The following PRRC2A variants were observed in gnomAD, a reference collection of about 807,000 sequenced individuals.
PRRC2A encodes protein PRRC2A.
PRRC2A carries 59 observed loss-of-function variants against 224.6 expected under a neutral mutation model. The observed-to-expected ratio is 0.26, with a 90% CI of 0.21 to 0.33. The LOEUF is 0.33. Ranked by LOEUF, PRRC2A falls within the 10% of genes least tolerant of loss-of-function variation. The probability of loss-of-function intolerance (pLI) is 1.00; values close to 1 mark genes in which losing one functional copy is unlikely to be tolerated. For synonymous variants in PRRC2A, 1,194 were observed against 1,109.5 expected (o/e 1.08, Z -1.51); for missense variants, 3,095 against 2,880.7 (o/e 1.07, Z -1.70).
At position 31,631,507 on chromosome 6, in the gene PRRC2A, C is replaced by CACCCCGCCGGGCTGGGCCTAT; in HGVS notation, c.2836_2856dup (p.Pro946_Ile952dup). On this transcript the variant is annotated inframe_insertion, in exon 16 of 31. Transcript: ENST00000376033. The surrounding 1 kb of genome is among the most constrained non-coding windows in gnomAD (Gnocchi z 4.5). ...ATCCCTCCAGAGGAGCCAGGGGCCCCACCCCGCCGGGCTGGGCCTATAAAG... is the reference window on the plus strand; with the variant it reads ...ATCCCTCCAGAGGAGCCAGGGGCCCCACCCCGCCGGGCTGGGCCTATACCCCGCCGGGCTGGGCCTATAAAG... 3.7e-6 allele frequency: 6 copies of CACCCCGCCGGGCTGGGCCTAT among 1,604,366 alleles called. No homozygotes were observed. Among genetic ancestry groups the CACCCCGCCGGGCTGGGCCTAT allele is most frequent in the Non-Finnish European group, 5.1e-6 (6 of 1,177,060 alleles).
chr6:31,635,891 TTC>T, intron 24 of PRRC2A, 74 bp from the exon 25 acceptor site: 1 of 1,468,250 alleles, frequency 6.8e-7, no homozygotes, highest in Non-Finnish European at 9.2e-7. Context: ...TACTTTTTGC[TTC>T]TATGGGTGGG....
At position 31,634,575 on chromosome 6, in the gene PRRC2A, G is replaced by A; in HGVS notation, c.4935+18G>A. 2 of 1,607,854 alleles carry A rather than the reference G, an allele frequency of 1.2e-6. No homozygotes were observed. Among genetic ancestry groups the A allele is most frequent in the Non-Finnish European group, 1.7e-6 (2 of 1,177,574 alleles). ...GCACAGAAGTGAGTGAGGGTGGGAGGGTGTGTCTGAGCTGGGACTTTTTTG... is the reference window on the plus strand; with the variant it reads ...GCACAGAAGTGAGTGAGGGTGGGAGAGTGTGTCTGAGCTGGGACTTTTTTG... On this transcript the variant is annotated intron_variant, in intron 20 of 30. Coordinates refer to ENST00000376033, the MANE Select transcript of PRRC2A (RefSeq NM_004638.4).
In PRRC2A at chr6:31,636,812, C is replaced by CT; in HGVS notation, c.6015dup (p.Pro2006SerfsTer39). The CT allele has an allele frequency of 6.2e-7, 1 of 1,610,774 alleles. No homozygotes were observed. The highest frequency in any genetic ancestry group is 8.5e-7 in the Non-Finnish European group (1 of 1,179,976). On this transcript the variant is annotated frameshift_variant, in exon 28 of 31. Transcript: ENST00000376033. LOFTEE classifies it high-confidence loss of function. The surrounding 1 kb of genome is among the most constrained non-coding windows in gnomAD (Gnocchi z 4.3). Reference sequence around the variant, plus strand: ...CCGCCAGCACCACCTCCTGCCCCACCTCCCCTTTCTCTGTTACCTGTGGGC... The same window carrying CT: ...CCGCCAGCACCACCTCCTGCCCCACCTTCCCCTTTCTCTGTTACCTGTGGGC...
At chr6:31,633,833 A>T in intron 17 of PRRC2A, 26 bp from the exon 18 acceptor site, 4 of 1,514,232 alleles carry the variant, frequency 2.6e-6, no homozygotes, top group Non-Finnish European at 3.5e-6. Context: ...AGCCAGGCAG[A>T]TGCTGACCCT....
chr6:31,632,551 T>C lies in PRRC2A; in HGVS notation c.3878T>C (p.Val1293Ala). 6.2e-7 allele frequency: 1 copy of C among 1,611,564 alleles called. No homozygotes were observed. Among genetic ancestry groups the C allele is most frequent in the Non-Finnish European group, 8.5e-7 (1 of 1,179,138 alleles). The change falls in exon 16 of 31, where the codon GTC becomes GCC. Residue 1293 changes from valine (V) to alanine (A), a missense_variant. By Grantham distance (64) the Val-to-Ala change is moderately conservative. Transcript: ENST00000376033. ...GGACCTGAGGAGGCCCTCACAACAG[T>C]CACAGTGGCCCCAGCACCTCGCCGG... ...APGPEEALTTVTVAPAPRRAA... is the reference protein window; with the variant it reads ...APGPEEALTTATVAPAPRRAA...
Position 31,633,400 on chromosome 6 carries a change from C to G in PRRC2A, c.4341C>G (p.Pro1447=), listed in dbSNP as rs776357353. ...KNRSRPPEER[P]PGLPLPPPPP... ...CCAGTCGTCCTCCAGAGGAGCGTCC[C>G]CCGGGGCTTCCCCTGCCTCCCCCAC... is the stretch of plus-strand genomic sequence containing the variant. The change falls in exon 17 of 31, where the codon CCC becomes CCG. Residue 1447 remains proline (P), a synonymous_variant. Transcript: ENST00000376033. The G allele has an allele frequency of 6.2e-7, 1 of 1,612,918 alleles. No individual in the cohort carries two copies. Among genetic ancestry groups the G allele is most frequent in the Non-Finnish European group, 8.5e-7 (1 of 1,179,936 alleles).
intron 3 of PRRC2A, among the ~76,000 whole-genome samples, 163 bp downstream of exon 3, chr6:31,624,072 C>T (rs1561795246): frequency 6.6e-6 from 1 of 152,174 alleles, no homozygotes; most frequent in Non-Finnish European, 1.5e-5. Context: ...TGGTACTAAA[C>T]TTTAGCTTTT....
Position 31,625,124 on chromosome 6 carries a change from C to T in PRRC2A, c.464-47C>T, listed in dbSNP as rs746232238. On this transcript the variant is annotated intron_variant, in intron 5 of 30. Transcript: ENST00000376033. The surrounding 1 kb of genome is among the most constrained non-coding windows in gnomAD (Gnocchi z 4.1). ...GAGTCTTCCACTTTTATAGCATGTC[C>T]TCAGGAAATGTCTTCTGTCTCCTGT... is the stretch of plus-strand genomic sequence containing the variant. 5 of 1,583,544 alleles carry T rather than the reference C, an allele frequency of 3.2e-6. No individual in the cohort carries two copies. In the Admixed American group the frequency reaches 6.8e-5, roughly 22 times the overall value.
rs1776139338 is a variant in PRRC2A, at chr6:31,628,197, A to G, written c.1723A>G (p.Ser575Gly). Residue 575 changes from serine (S) to glycine (G), a missense_variant, in exon 12 of 31, where the codon AGT becomes GGT. Transcript: ENST00000376033. The stretch of plus-strand genomic sequence containing the variant: ...TCCCACTCTGGTGAGTGGTGGTGGC[A>G]GTACCAGTAGCACCAGCAGTGGCAG... ...AAPTLVSGGG[S>G]TSSTSSGSFE... is the part of the protein sequence containing the mutation. 6.2e-7 allele frequency: 1 copy of G among 1,612,804 alleles called. No homozygotes were observed. Among genetic ancestry groups the G allele is most frequent in the Admixed American group, 1.7e-5 (1 of 60,028 alleles).
At position 31,626,168 on chromosome 6, in the gene PRRC2A, T is replaced by C; in HGVS notation, c.982+6T>C. The C allele has an allele frequency of 6.2e-7, 1 of 1,610,444 alleles. No individual in the cohort carries two copies. Among genetic ancestry groups the C allele is most frequent in the Non-Finnish European group, 8.5e-7 (1 of 1,178,966 alleles). The stretch of plus-strand genomic sequence containing the variant: ...GAATGATGATGGTTGGGCAGGTAAG[T>C]GGATATTAAGGGTCAAGAATTTGGA... On this transcript the variant is annotated splice_donor_region_variant and intron_variant, in intron 9 of 30. Coordinates refer to ENST00000376033, the MANE Select transcript of PRRC2A (RefSeq NM_004638.4).
rs1214036903 is a variant in PRRC2A, at chr6:31,631,554, G to C, written c.2881G>C (p.Val961Leu). ...AAAGAAACCTCCACCACCTACAAAAGTAGAAGAGCTGCCTCCCAAGCCCCT... is the reference window on the plus strand; with the variant it reads ...AAAGAAACCTCCACCACCTACAAAACTAGAAGAGCTGCCTCCCAAGCCCCT... ...PIKKPPPPTK[V>L]EELPPKPLEQ... The change falls in exon 16 of 31, where the codon GTA becomes CTA. Residue 961 changes from valine (V) to leucine (L), a missense_variant. Val to Leu is a conservative substitution (Grantham distance 32). This residue lies in a region of PRRC2A where 2,001 missense variants were observed against 1,764.9 expected (regional missense o/e 1.13). Transcript: ENST00000376033. This position sits in a 1 kb window ranked among gnomAD's most constrained non-coding sequence, Gnocchi z 4.5. 1.3e-6 allele frequency: 2 copies of C among 1,592,916 alleles called. No individual in the cohort carries two copies. Among genetic ancestry groups the C allele is most frequent in the East Asian group, 2.2e-5 (1 of 44,646 alleles).
At position 31,637,153 on chromosome 6, in the gene PRRC2A, A is replaced by T. The variant is rs1376875007; in HGVS notation, c.6242+17A>T. 1.9e-6 allele frequency: 3 copies of T among 1,610,330 alleles called. No individual in the cohort carries two copies. Among genetic ancestry groups the T allele is most frequent in the Non-Finnish European group, 1.7e-6 (2 of 1,177,922 alleles). On this transcript the variant is annotated intron_variant, in intron 29 of 30. Transcript: ENST00000376033. ...AACTGGAAGGTGAAACGGAATAGGGATGTGGACTTTCCAAGTGCTTCCTTA... is the reference window on the plus strand; with the variant it reads ...AACTGGAAGGTGAAACGGAATAGGGTTGTGGACTTTCCAAGTGCTTCCTTA...
chr6:31,624,803 CT>C (rs35868191), intron 5 of PRRC2A: 30,391 of 448,278 alleles, frequency 0.068, 25 homozygotes, highest in Middle Eastern at 0.12. Context: ...GAGCCTTCCA[CT>C]TTTTTTTTTT....
chr6:31,635,360 C>A, intron 22 of PRRC2A, 34 bp from the exon 23 acceptor site: 1 of 1,613,792 alleles, frequency 6.2e-7, no homozygotes, highest in Non-Finnish European at 8.5e-7. Context: ...ATGTCTGTCA[C>A]GGGACAATGT....
At position 31,637,255 on chromosome 6, in the gene PRRC2A, C is replaced by T. The variant is rs1442577229; in HGVS notation, c.6264C>T (p.Ser2088=). The change falls in exon 30 of 31, where the codon TCC becomes TCT. Residue 2088 remains serine, a synonymous_variant. Transcript: ENST00000376033. ...PTGRSFSGLN[S]RLKATPSTYS... Reference sequence around the variant, plus strand: ...TTAGGTCCTTCTCTGGCCTCAATTCCCGTCTCAAGGCCACGCCTTCCACCT... The same window carrying T: ...TTAGGTCCTTCTCTGGCCTCAATTCTCGTCTCAAGGCCACGCCTTCCACCT... The T allele has an allele frequency of 1.9e-6, 3 of 1,612,154 alleles. No individual in the cohort carries two copies. Among genetic ancestry groups the T allele is most frequent in the Non-Finnish European group, 1.7e-6 (2 of 1,179,198 alleles).
In PRRC2A at chr6:31,636,901, C is replaced by T; in HGVS notation, c.6103C>T (p.Pro2035Ser). ...PPPAPATRVLPSPARPFPASL... is the reference protein window; with the variant it reads ...PPPAPATRVLSSPARPFPASL... ...ACCTGCTCCTGCTACTCGGGTGCTGCCTTCACCTGCCAGGCCCTTCCCCGC... is the reference window on the plus strand; with the variant it reads ...ACCTGCTCCTGCTACTCGGGTGCTGTCTTCACCTGCCAGGCCCTTCCCCGC... The change falls in exon 28 of 31, where the codon CCT becomes TCT. Residue 2035 changes from proline to serine, a missense_variant. Physicochemically the swap from Pro to Ser is moderately conservative, Grantham distance 74. Coordinates refer to ENST00000376033, the MANE Select transcript of PRRC2A (RefSeq NM_004638.4). The surrounding 1 kb of genome is among the most constrained non-coding windows in gnomAD (Gnocchi z 4.3). The T allele has an allele frequency of 6.2e-7, 1 of 1,613,006 alleles. No individual in the cohort carries two copies. Among genetic ancestry groups the T allele is most frequent in the Non-Finnish European group, 8.5e-7 (1 of 1,179,988 alleles).
At chr6:31,629,524 A>AT in intron 13 of PRRC2A, 24 bp from the exon 14 acceptor site, 2 of 1,486,144 alleles carry the variant, frequency 1.3e-6, no homozygotes, top group South Asian at 2.3e-5. Context: ...AGCCTCTCTC[A>AT]TCTTGTCTTT....
chr6:31,621,880 T>C (rs1051000267), intron 1 of PRRC2A, among the ~76,000 whole-genome samples: 8 of 152,194 alleles, frequency 5.3e-5, no homozygotes, highest in Admixed American at 3.9e-4. Context: ...ACATTTTTAA[T>C]GAGGATAGGA....
chr6:31,635,719 C>T lies in PRRC2A; in HGVS notation c.5511C>T (p.Phe1837=). ...SSGQRLYPEV[F]YGSAGPSSSQ... ...GCCAGCGCCTGTATCCTGAGGTTTT[C>T]TATGGCAGTGCTGGGCCTTCCAGTT... Residue 1837 remains phenylalanine, a synonymous_variant, in exon 24 of 31, where the codon TTC becomes TTT. Transcript: ENST00000376033. The T allele has an allele frequency of 6.2e-7, 1 of 1,606,002 alleles. No individual in the cohort carries two copies. The highest frequency in any genetic ancestry group is 8.5e-7 in the Non-Finnish European group (1 of 1,176,094).
Sources: gnomAD v4.1 joint callset for allele counts (sites outside exome capture counted in the v4.1 genomes callset) on GRCh38, gnomAD v4.1.1 for gene constraint, gnomAD v4.1.1 regional missense constraint, Gnocchi (gnomAD v3.1) non-coding constraint, MANE v1.5 for transcripts, NCBI Gene and HGNC (gene_info 2026-07-23, HGNC 2026-07-21) for gene names.